The following IQCM variants were observed in gnomAD, a reference collection of about 807,000 sequenced individuals.
IQCM encodes the protein IQ domain-containing protein M.
IQCM carries 45 observed loss-of-function variants against 57.6 expected under a neutral mutation model. The observed-to-expected ratio is 0.78, with a 90% CI of 0.62 to 1.00. IQCM has a LOEUF of 1.00. IQCM is among the 50% of genes least tolerant of loss of function. The probability of loss-of-function intolerance (pLI) is 0.00; values close to 1 mark genes in which losing one functional copy is unlikely to be tolerated. For missense variants in IQCM, 468 were observed against 511.6 expected, an observed-to-expected ratio of 0.91 and a Z score of 0.82; for synonymous variants, 148 against 158.9, an observed-to-expected ratio of 0.93 and a Z score of 0.51.
intron 2 of IQCM, among the ~76,000 whole-genome samples, chr4:149,797,848 A>C (rs1773253591): frequency 6.6e-6 from 1 of 152,072 alleles, no homozygotes; most frequent in South Asian, 2.1e-4. Context: ...AATATCCTTT[A>C]AACATGAAGG....
At chr4:149,559,355 C>T (rs1293577202) in intron 10 of IQCM, among the ~76,000 whole-genome samples, 2 of 152,126 alleles carry the variant, frequency 1.3e-5, no homozygotes, top group Admixed American at 1.3e-4. Flanking sequence ...TAATCTGATT[C>T]CTACCTTCAG....
chr4:149,354,379 A>AAAAAAAC (rs1248844348), intron 13 of IQCM, among the ~76,000 whole-genome samples: 5 of 142,478 alleles, frequency 3.5e-5, no homozygotes, highest in African/African-American at 1.3e-4. Context: ...AAAAAAAAAA[A>AAAAAAAC]AAAAAAAAAA....
chr4:149,694,386 G>T (rs1467461391), intron 5 of IQCM, among the ~76,000 whole-genome samples: 1 of 151,272 alleles, frequency 6.6e-6, no homozygotes. Flanking sequence ...CACTACGCCC[G>T]GCTAATTTTT....
At chr4:149,370,237 G>A (rs1730270147) in intron 13 of IQCM, among the ~76,000 whole-genome samples, 1 of 152,102 alleles carries the variant, frequency 6.6e-6, no homozygotes, top group Non-Finnish European at 1.5e-5. Flanking sequence ...ATGAACTTTG[G>A]AATTTGTTAA....
intron 7 of IQCM, among the ~76,000 whole-genome samples, chr4:149,662,119 G>A (rs750105695): frequency 2.6e-5 from 4 of 151,840 alleles, no homozygotes; most frequent in Admixed American, 6.6e-5. Flanking sequence ...GCTATGTCCC[G>A]TGGGTTTTGG....
intron 8 of IQCM, among the ~76,000 whole-genome samples, chr4:149,615,211 C>A (rs953302262): frequency 6.6e-6 from 1 of 151,804 alleles, no homozygotes; most frequent in South Asian, 2.1e-4. Context: ...AGTTAGCAAA[C>A]CTTTTAAAGA....
At chr4:149,425,032 G>C (rs1410098694) in intron 13 of IQCM, among the ~76,000 whole-genome samples, 1 of 151,954 alleles carries the variant, frequency 6.6e-6, no homozygotes, top group East Asian at 1.9e-4. Context: ...GTAGCTGCAT[G>C]ACTTCAAGCA....
At chr4:149,557,258 T>A (rs1237365297) in intron 10 of IQCM, among the ~76,000 whole-genome samples, 1 of 152,138 alleles carries the variant, frequency 6.6e-6, no homozygotes, top group Non-Finnish European at 1.5e-5. Context: ...CAATTTGCAA[T>A]AATTGGACAC....
At chr4:149,551,700 T>C (rs550287108) in intron 11 of IQCM, among the ~76,000 whole-genome samples, 7 of 127,250 alleles carry the variant, frequency 5.5e-5, no homozygotes, top group African/African-American at 1.9e-4. Flanking sequence ...TTAGATTATA[T>C]AATATAAACT....
intron 12 of IQCM, among the ~76,000 whole-genome samples, chr4:149,470,182 T>C (rs1417234573): frequency 3.3e-5 from 5 of 152,034 alleles, no homozygotes; most frequent in East Asian, 1.9e-4. Context: ...GACTGGCAAA[T>C]TGGTTGAAGA....
intron 3 of IQCM, among the ~76,000 whole-genome samples, chr4:149,740,506 G>A (rs750542332): frequency 2.0e-5 from 3 of 152,016 alleles, no homozygotes; most frequent in Non-Finnish European, 2.9e-5. Context: ...TACCGCTAGC[G>A]CACTAATGTA....
intron 13 of IQCM, among the ~76,000 whole-genome samples, chr4:149,369,933 T>G (rs916250332): frequency 6.6e-6 from 1 of 152,210 alleles, no homozygotes; most frequent in African/African-American, 2.4e-5. Flanking sequence ...TCTCACTCAG[T>G]CACTCAGGTT....
At chr4:149,353,015 G>T (rs917484723) in intron 13 of IQCM, among the ~76,000 whole-genome samples, 4 of 152,092 alleles carry the variant, frequency 2.6e-5, no homozygotes, top group African/African-American at 4.8e-5. Flanking sequence ...ATGACTTGAG[G>T]TGTTATAAGA....
At chr4:149,699,695 C>CA (rs34250922) in intron 5 of IQCM, among the ~76,000 whole-genome samples, 2,266 of 25,692 alleles carry the variant, frequency 0.088, 215 homozygotes, top group East Asian at 0.14. Flanking sequence ...GTTTGAGTGG[C>CA]AAAAAAAAAA....
At chr4:149,462,252 G>A (rs1220186346) in intron 12 of IQCM, among the ~76,000 whole-genome samples, 2 of 152,168 alleles carry the variant, frequency 1.3e-5, no homozygotes, top group Non-Finnish European at 2.9e-5. Context: ...CGCACACTCA[G>A]TGGAAAGCTT....
At chr4:149,688,949 A>G (rs1264057411) in intron 5 of IQCM, among the ~76,000 whole-genome samples, 1 of 152,074 alleles carries the variant, frequency 6.6e-6, no homozygotes, top group Non-Finnish European at 1.5e-5. Flanking sequence ...ACAAAAATCA[A>G]CTCAAGGTGG....
intron 13 of IQCM, among the ~76,000 whole-genome samples, chr4:149,386,894 A>T (rs1731467408): frequency 1.3e-5 from 2 of 152,096 alleles, no homozygotes; most frequent in South Asian, 4.1e-4. Flanking sequence ...TAATAGGTTC[A>T]GATTTAATAT....
chr4:149,455,667 C>T (rs1737617951), intron 12 of IQCM, among the ~76,000 whole-genome samples: 1 of 151,976 alleles, frequency 6.6e-6, no homozygotes, highest in Admixed American at 6.6e-5. Context: ...TAAAACCACA[C>T]CTCCAACAAT....
chr4:149,650,521 T>G (rs975478602), intron 7 of IQCM, among the ~76,000 whole-genome samples: 3 of 151,756 alleles, frequency 2.0e-5, no homozygotes, highest in African/African-American at 7.3e-5. Context: ...GCCTCCCAAG[T>G]AGCTGGGATT....
Sources: gnomAD v4.1 joint callset for allele counts (sites outside exome capture counted in the v4.1 genomes callset) on GRCh38, gnomAD v4.1.1 for gene constraint, MANE v1.5 for transcripts, NCBI Gene and HGNC (gene_info 2026-07-23, HGNC 2026-07-21) for gene names.